The following ENTPD1 variants were observed in gnomAD, a reference collection of about 807,000 sequenced individuals.
The protein encoded by ENTPD1 is ATP diphosphohydrolase.
A neutral mutation model predicts 57.0 loss-of-function variants in ENTPD1; 33 were observed. That is an observed-to-expected ratio of 0.58 (90% CI 0.44 to 0.77). The LOEUF is 0.77. Among genes scored for constraint, ENTPD1 ranks in the 30% least tolerant of loss-of-function variants. The pLI, the probability that ENTPD1 is intolerant of heterozygous loss-of-function variation, is 0.00. For synonymous variants in ENTPD1, 202 were observed against 218.8 expected, an observed-to-expected ratio of 0.92 and a Z score of 0.68; for missense variants, 501 against 603.4, an observed-to-expected ratio of 0.83 and a Z score of 1.78.
upstream of ENTPD1, among the ~76,000 whole-genome samples, chr10:95,752,462 C>T (rs781195899): frequency 3.4e-4 from 51 of 152,074 alleles, no homozygotes; most frequent in African/African-American, 1.1e-3. Flanking sequence ...CGAGACCAGC[C>T]GCCTGACCAA....
At chr10:95,865,078 T>G (rs2098471813) in intron 9 of ENTPD1, among the ~76,000 whole-genome samples, 1 of 152,224 alleles carries the variant, frequency 6.6e-6, no homozygotes, top group South Asian at 2.1e-4. Flanking sequence ...ACTTGCATTT[T>G]CAGTTGCACC....
At chr10:95,757,595 C>T (rs548422898) in intron 1 of ENTPD1, among the ~76,000 whole-genome samples, 62 of 152,278 alleles carry the variant, frequency 4.1e-4, no homozygotes, top group South Asian at 2.5e-3. Context: ...TCATTTGGTG[C>T]TCATGGCCAT....
chr10:95,818,993 G>C (rs75284071), intron 1 of ENTPD1, among the ~76,000 whole-genome samples: 1 of 152,092 alleles, frequency 6.6e-6, no homozygotes, highest in Non-Finnish European at 1.5e-5. Context: ...CAGTCACATT[G>C]GATCTGCAAA....
At chr10:95,709,633 C>T (rs1229112883), upstream of ENTPD1, among the ~76,000 whole-genome samples, 6 of 152,210 alleles carry the variant, frequency 3.9e-5, no homozygotes, top group African/African-American at 1.4e-4. Context: ...ATCCGCCGGC[C>T]TTGGCCTCCC....
intron 2 of ENTPD1, among the ~76,000 whole-genome samples, chr10:95,839,063 C>T (rs2098417141): frequency 6.6e-6 from 1 of 152,040 alleles, no homozygotes; most frequent in African/African-American, 2.4e-5. Context: ...GTTTTTACAC[C>T]TCTCCTTAAA....
At chr10:95,697,024 C>T in the ENTPD1 span, among the ~76,000 whole-genome samples, 1 of 152,178 alleles carries the variant, frequency 6.6e-6, no homozygotes, top group Non-Finnish European at 1.5e-5. Flanking sequence ...ATGGGCCAGA[C>T]ATTATAAGAA....
Position 95,826,443 on chromosome 10 carries a change from C to T in ENTPD1, c.144+3079C>T, listed in dbSNP as rs151281415. Among the ~76,000 whole-genome samples, 34 of 151,774 alleles carry T rather than the reference C, an allele frequency of 2.2e-4. No individual in the cohort carries two copies. The East Asian group carries it at 6.2e-3, about 28-fold the overall frequency. ...AAAAAATTAGCTTGGTATGGTGGCGCGTACTTGTAATCCTAGCTACTCAGG... is the reference window on the plus strand; with the variant it reads ...AAAAAATTAGCTTGGTATGGTGGCGTGTACTTGTAATCCTAGCTACTCAGG... On this transcript the variant is annotated intron_variant, in intron 2 of 9. Transcript: ENST00000371205.
intron 1 of ENTPD1, among the ~76,000 whole-genome samples, chr10:95,731,781 C>CATTTTTTT (rs2097989354): frequency 1.3e-5 from 1 of 79,180 alleles, no homozygotes; most frequent in Non-Finnish European, 2.3e-5. Context: ...AGTGGACATC[C>CATTTTTTT]TTTTTTTTTT....
chr10:95,808,444 G>A (rs1255067521), intron 1 of ENTPD1, among the ~76,000 whole-genome samples: 1 of 152,222 alleles, frequency 6.6e-6, no homozygotes, highest in Non-Finnish European at 1.5e-5. Flanking sequence ...CGTAGAATGA[G>A]TTAGGGTGAA....
Position 95,847,818 on chromosome 10 carries a change from G to A in ENTPD1, c.1074+112G>A, listed in dbSNP as rs2098438320. 2.7e-6 allele frequency: 4 copies of A among 1,501,640 alleles called. No homozygotes were observed. In the Admixed American group the frequency reaches 5.3e-5, roughly 20 times the overall value. The allele number at this position is 1,501,640 out of a possible 1,614,324, so 93.0% of individuals were successfully genotyped here. On this transcript the variant is annotated intron_variant, in intron 7 of 9. Coordinates refer to ENST00000371205, the MANE Select transcript of ENTPD1 (RefSeq NM_001776.6). ...ATTTTTCTCTTACATAATGTCTTGA[G>A]GTAGATGATTAGGGGTTGGTTCTTC...
Position 95,869,950 on chromosome 10 carries a change from A to C in ENTPD1, c.*3567A>C, listed in dbSNP as rs2098478632. The C allele has an allele frequency of 3.0e-6, 3 of 984,930 alleles. No individual in the cohort carries two copies. Among genetic ancestry groups the C allele is most frequent in the Admixed American group, 6.1e-5 (1 of 16,270 alleles). The allele number at this position is 984,930 out of a possible 1,614,324, so 61.0% of individuals were successfully genotyped here. The stretch of plus-strand genomic sequence containing the variant: ...GCTTGTAGCTACCATACTGGACAGC[A>C]CATGTCCAAAAAAATACACGTAAAG... On this transcript the variant is annotated 3_prime_UTR_variant, in exon 10 of 10. Transcript: ENST00000371205.
At chr10:95,767,301 C>T (rs1324519433) in intron 1 of ENTPD1, among the ~76,000 whole-genome samples, 19 of 125,936 alleles carry the variant, frequency 1.5e-4, no homozygotes, top group Admixed American at 1.1e-3. Flanking sequence ...GGAGACAGAG[C>T]GAGACTCCAT....
upstream of ENTPD1, chr10:95,755,208 G>A (rs780821218): frequency 5.8e-5 from 9 of 154,436 alleles, no homozygotes; most frequent in Non-Finnish European, 1.2e-4. Context: ...GAGAGACCAT[G>A]TATGTGAGCA....
At chr10:95,829,244 A>T (rs2098388701) in intron 2 of ENTPD1, among the ~76,000 whole-genome samples, 1 of 152,190 alleles carries the variant, frequency 6.6e-6, no homozygotes, top group Non-Finnish European at 1.5e-5. Context: ...GTTAGGAGCA[A>T]ATTACCACAT....
intron 1 of ENTPD1, among the ~76,000 whole-genome samples, chr10:95,721,263 T>C (rs1052894998): frequency 6.6e-6 from 1 of 152,172 alleles, no homozygotes; most frequent in Non-Finnish European, 1.5e-5. Flanking sequence ...GCACATAAGT[T>C]AGCAAATGTC....
chr10:95,737,132 C>G (rs1257153238), intron 1 of ENTPD1, among the ~76,000 whole-genome samples: 1 of 152,164 alleles, frequency 6.6e-6, no homozygotes, highest in Non-Finnish European at 1.5e-5. Flanking sequence ...CAAGTATTTA[C>G]TGTTTTCCTA....
chr10:95,860,977 C>A (rs892876563), intron 8 of ENTPD1, among the ~76,000 whole-genome samples: 1 of 152,220 alleles, frequency 6.6e-6, no homozygotes, highest in East Asian at 1.9e-4. Flanking sequence ...GAACCAGATA[C>A]ATCTGTTCCT....
Position 95,867,649 on chromosome 10 carries a change from A to T in ENTPD1, c.*1266A>T. 1.0e-6 allele frequency: 1 copy of T among 985,430 alleles called. No homozygotes were observed. The highest frequency in any genetic ancestry group is 1.2e-6 in the Non-Finnish European group (1 of 829,942). The allele number at this position is 985,430 out of a possible 1,614,324, so 61.0% of individuals were successfully genotyped here. A position where few individuals can be genotyped will look rare whatever the true frequency, so the allele number is the denominator to read the frequency against. On this transcript the variant is annotated 3_prime_UTR_variant, in exon 10 of 10. Coordinates refer to ENST00000371205, the MANE Select transcript of ENTPD1 (RefSeq NM_001776.6). ...TGAAGCAGCAGCTATAGACCTTACC[A>T]TGGAAACATGAAGAGACCCTGCACC...
At chr10:95,722,523 A>G (rs955615953) in intron 1 of ENTPD1, among the ~76,000 whole-genome samples, 2 of 152,140 alleles carry the variant, frequency 1.3e-5, no homozygotes, top group South Asian at 2.1e-4. Context: ...GGAAATCATC[A>G]TTCTCAGTAA....
Sources: gnomAD v4.1 joint callset for allele counts (sites outside exome capture counted in the v4.1 genomes callset) on GRCh38, gnomAD v4.1.1 for gene constraint, MANE v1.5 for transcripts, NCBI Gene and HGNC (gene_info 2026-07-23, HGNC 2026-07-21) for gene names.